SPAG16: variants seen among roughly 807,000 people sequenced by gnomAD.
SPAG16 encodes sperm associated antigen 16.
In SPAG16, 86 loss-of-function variants were observed where a neutral mutation model predicts 80.4. The observed-to-expected ratio is 1.07, with a 90% CI of 0.90 to 1.28. The LOEUF (loss-of-function observed/expected upper bound fraction) is 1.28, where lower values mean the gene tolerates loss of function less well. SPAG16 is among the 50% of genes most tolerant of loss of function. SPAG16 has a pLI of 0.00. For synonymous variants in SPAG16, 294 were observed against 265.9 expected, an observed-to-expected ratio of 1.11 and a Z score of -1.03; for missense variants, 870 against 765.3, an observed-to-expected ratio of 1.14 and a Z score of -1.61.
chr2:214,104,512 C>G (rs2053268449), intron 13 of SPAG16, among the ~76,000 whole-genome samples: 1 of 151,896 alleles, frequency 6.6e-6, no homozygotes, highest in Non-Finnish European at 1.5e-5. Context: ...AGGGATGAAG[C>G]TGGGCAGAGT....
At chr2:213,409,542 C>T (rs947413542) in intron 9 of SPAG16, among the ~76,000 whole-genome samples, 9 of 152,206 alleles carry the variant, frequency 5.9e-5, no homozygotes, top group East Asian at 1.9e-4. Context: ...TTTTTCTTAA[C>T]GCACTAACCT....
intron 9 of SPAG16, among the ~76,000 whole-genome samples, chr2:213,431,515 C>A (rs1408409253): frequency 6.6e-6 from 1 of 151,680 alleles, no homozygotes; most frequent in Non-Finnish European, 1.5e-5. Flanking sequence ...AAGAAAAAGT[C>A]ATTATATAAT....
At chr2:213,963,416 A>G (rs2106358542) in intron 12 of SPAG16, among the ~76,000 whole-genome samples, 1 of 152,234 alleles carries the variant, frequency 6.6e-6, no homozygotes, top group East Asian at 1.9e-4. Context: ...GATTTCTACG[A>G]TTTAATTTCT....
intron 11 of SPAG16, among the ~76,000 whole-genome samples, chr2:213,904,387 G>C (rs2077347938): frequency 6.6e-6 from 1 of 152,080 alleles, no homozygotes; most frequent in African/African-American, 2.4e-5. Context: ...AAATGAGGAA[G>C]ATGCAAAAGC....
chr2:213,936,013 G>A lies in SPAG16; in HGVS notation c.1400+5868G>A, dbSNP rs116142495. On this transcript the variant is annotated intron_variant, in intron 12 of 15. Coordinates refer to ENST00000331683, the MANE Select transcript of SPAG16 (RefSeq NM_024532.5). ...TTTGTAGAGGAAAACTAGAGCACAG[G>A]TGAAAAGGGATAGCAGGCATTGGAA... Among the ~76,000 whole-genome samples, 1,186 of 148,004 alleles carry A rather than the reference G, an allele frequency of 8.0e-3. 11 individuals are homozygous for A. Among genetic ancestry groups the A allele is most frequent in the African/African-American group, 0.024 (978 of 41,376 alleles).
chr2:213,885,495 A>G (rs2076520007), intron 11 of SPAG16, among the ~76,000 whole-genome samples: 1 of 152,184 alleles, frequency 6.6e-6, no homozygotes, highest in South Asian at 2.1e-4. Context: ...CTACTAGTTT[A>G]TCAGTTACAA....
At chr2:213,949,791 C>T (rs534022128) in intron 12 of SPAG16, among the ~76,000 whole-genome samples, 22 of 152,260 alleles carry the variant, frequency 1.4e-4, no homozygotes, top group African/African-American at 5.3e-4. Context: ...TACAAAGATG[C>T]TTGTGAACCT....
intron 15 of SPAG16, among the ~76,000 whole-genome samples, chr2:214,159,838 G>A (rs2056365605): frequency 1.3e-5 from 2 of 151,858 alleles, no homozygotes; most frequent in Admixed American, 1.3e-4. Context: ...ATAATGATAA[G>A]CATCTTTGAA....
intron 10 of SPAG16, among the ~76,000 whole-genome samples, chr2:213,575,934 C>T (rs1479556707): frequency 6.6e-6 from 1 of 152,070 alleles, no homozygotes; most frequent in Non-Finnish European, 1.5e-5. Flanking sequence ...GTTTTTCATA[C>T]TGCATTTTAA....
intron 15 of SPAG16, among the ~76,000 whole-genome samples, chr2:214,380,133 T>A (rs1299044944): frequency 6.6e-6 from 1 of 152,234 alleles, no homozygotes; most frequent in Non-Finnish European, 1.5e-5. Flanking sequence ...ACTAGATTTA[T>A]GTCATTATTC....
intron 10 of SPAG16, among the ~76,000 whole-genome samples, chr2:213,720,298 C>T (rs995035299): frequency 6.6e-6 from 1 of 151,900 alleles, no homozygotes; most frequent in Non-Finnish European, 1.5e-5. Context: ...AATAAACCTG[C>T]TGGTTCTGCA....
At chr2:213,412,385 C>T (rs890917374) in intron 9 of SPAG16, among the ~76,000 whole-genome samples, 1 of 152,182 alleles carries the variant, frequency 6.6e-6, no homozygotes, top group African/African-American at 2.4e-5. Flanking sequence ...ATTGTTCCAT[C>T]TGTAAGTGCG....
In SPAG16 at chr2:213,522,645, C is replaced by A. The variant is rs142475995; in HGVS notation, c.1070+32555C>A. ...AGCTGGAGACCATCTGCTGTTTGCA[C>A]ACCCCAACACTGGGCAGCAAATCCT... On this transcript the variant is annotated intron_variant, in intron 10 of 15. Transcript: ENST00000331683. Among the ~76,000 whole-genome samples the A allele has an allele frequency of 4.2e-3, 642 of 152,268 alleles. 6 individuals are homozygous for A. The highest frequency in any genetic ancestry group is 0.015 in the African/African-American group (609 of 41,558).
At chr2:213,639,880 T>C (rs927964090) in intron 10 of SPAG16, among the ~76,000 whole-genome samples, 8 of 152,230 alleles carry the variant, frequency 5.3e-5, no homozygotes, top group African/African-American at 1.7e-4. Flanking sequence ...ACATCAATTA[T>C]TCTTAAGTTT....
chr2:213,604,330 C>T (rs914410282), intron 10 of SPAG16, among the ~76,000 whole-genome samples: 25 of 151,816 alleles, frequency 1.6e-4, no homozygotes, highest in African/African-American at 5.8e-4. Flanking sequence ...TATTTTTTTC[C>T]TTTATTTTTT....
intron 10 of SPAG16, among the ~76,000 whole-genome samples, chr2:213,646,281 C>G (rs928091000): frequency 6.6e-6 from 1 of 152,074 alleles, no homozygotes; most frequent in Non-Finnish European, 1.5e-5. Flanking sequence ...AACTTGGTGT[C>G]CTTATGGGGG....
chr2:213,747,218 G>T (rs76072407), intron 10 of SPAG16, among the ~76,000 whole-genome samples: 6,127 of 152,168 alleles, frequency 0.04, 381 homozygotes, highest in African/African-American at 0.13. Flanking sequence ...TCTTATAAAA[G>T]AAATCTATAA....
chr2:213,421,845 C>T (rs1234885141), intron 9 of SPAG16, among the ~76,000 whole-genome samples: 1 of 152,130 alleles, frequency 6.6e-6, no homozygotes, highest in Non-Finnish European at 1.5e-5. Context: ...ATCAGGACGA[C>T]CTGCCCGCAG....
At chr2:213,579,709 A>C (rs2060240544) in intron 10 of SPAG16, among the ~76,000 whole-genome samples, 1 of 152,128 alleles carries the variant, frequency 6.6e-6, no homozygotes, top group African/African-American at 2.4e-5. Context: ...TTGACTTAAA[A>C]GTCTATAATT....
Sources: gnomAD v4.1 joint callset for allele counts (sites outside exome capture counted in the v4.1 genomes callset) on GRCh38, gnomAD v4.1.1 for gene constraint, MANE v1.5 for transcripts, NCBI Gene and HGNC (gene_info 2026-07-23, HGNC 2026-07-21) for gene names.